The following MACROH2A2 variants were observed in gnomAD, a reference collection of about 807,000 sequenced individuals.
The protein encoded by MACROH2A2 is macroH2A.2 histone.
A neutral mutation model predicts 37.6 loss-of-function variants in MACROH2A2; 6 were observed. That is an observed-to-expected ratio of 0.16 (90% CI 0.09 to 0.32). The LOEUF (loss-of-function observed/expected upper bound fraction) is 0.32. Among genes scored for constraint, MACROH2A2 ranks in the 10% least tolerant of loss-of-function variants. The pLI is 1.00. For missense variants in MACROH2A2, 290 were observed against 485.9 expected (o/e 0.60, Z 3.79); for synonymous variants, 192 against 202.7 (o/e 0.95, Z 0.45).
rs1222993853 is a variant in MACROH2A2, at chr10:70,053,963, G to A, written c.-60+963G>A. Among the ~76,000 whole-genome samples, 6 of 152,186 alleles carry A rather than the reference G, an allele frequency of 3.9e-5. No individual in the cohort carries two copies. The highest frequency in any genetic ancestry group is 1.2e-4 in the African/African-American group (5 of 41,470). On this transcript the variant is annotated intron_variant, in intron 1 of 8. Coordinates refer to ENST00000373255, the MANE Select transcript of MACROH2A2 (RefSeq NM_018649.3). The surrounding 1 kb of genome is among the most constrained non-coding windows in gnomAD (Gnocchi z 4.8). ...GTTGGGGACCAGCCCTGCCTCCCCC[G>A]GCTCCCAGCCTCCAGCCCCGGCGCA...
intron 8 of MACROH2A2, 103 bp downstream of exon 8, chr10:70,109,310 C>T: frequency 3.1e-6 from 3 of 961,826 alleles, no homozygotes; most frequent in Non-Finnish European, 4.9e-6. Context: ...GCTGCCAGCA[C>T]AGCCAAGTAT....
intron 7 of MACROH2A2, among the ~76,000 whole-genome samples, chr10:70,106,406 G>A (rs544248510): frequency 1.3e-5 from 2 of 152,296 alleles, no homozygotes; most frequent in South Asian, 2.1e-4. Context: ...CAGTTGCCAT[G>A]AACATACTTT....
At chr10:70,100,936 G>A (rs558818312) in intron 7 of MACROH2A2, among the ~76,000 whole-genome samples, 109 of 152,224 alleles carry the variant, frequency 7.2e-4, no homozygotes, top group African/African-American at 3.4e-4. Context: ...ATTTTAAAGC[G>A]TATAATTCAG....
chr10:70,084,570 A>T (rs1222068416), intron 2 of MACROH2A2, among the ~76,000 whole-genome samples: 1 of 152,162 alleles, frequency 6.6e-6, no homozygotes, highest in African/African-American at 2.4e-5. Context: ...TCCGTCTCTA[A>T]ATATAAAAAA....
chr10:70,065,854 C>CT (rs1306817808), intron 1 of MACROH2A2, among the ~76,000 whole-genome samples: 2 of 152,128 alleles, frequency 1.3e-5, no homozygotes, highest in Non-Finnish European at 2.9e-5. Context: ...TTATAAAAGT[C>CT]TAAGTTTTCA....
chr10:70,091,008 G>C (rs2072241673), intron 3 of MACROH2A2, among the ~76,000 whole-genome samples: 1 of 152,218 alleles, frequency 6.6e-6, no homozygotes, highest in African/African-American at 2.4e-5. Context: ...TATATTGATT[G>C]GGAGGAGCAT....
Position 70,110,415 on chromosome 10 carries a change from C to G in MACROH2A2, c.954-1103C>G, listed in dbSNP as rs1013645902. On this transcript the variant is annotated intron_variant, in intron 8 of 8. Transcript: ENST00000373255. ...TATTAAGTGCATAAAAAAGGACTTA[C>G]GAAGACAGGTTTGGAGCATACATTT... is the stretch of plus-strand genomic sequence containing the variant. 3.3e-5 allele frequency among the ~76,000 whole-genome samples: 5 copies of G among 152,192 alleles called. No individual in the cohort carries two copies. The South Asian group carries it at 1.0e-3, about 31-fold the overall frequency.
intron 1 of MACROH2A2, among the ~76,000 whole-genome samples, chr10:70,074,890 C>A (rs1380333959): frequency 6.6e-6 from 1 of 152,170 alleles, no homozygotes; most frequent in African/African-American, 2.4e-5. Flanking sequence ...AATACACTAA[C>A]CATTATAATG....
chr10:70,056,644 C>T (rs78683876), intron 1 of MACROH2A2, among the ~76,000 whole-genome samples: 132 of 152,152 alleles, frequency 8.7e-4, no homozygotes, highest in African/African-American at 2.9e-3. Flanking sequence ...TCATAGAGAA[C>T]GTGGCAGGAT....
intron 6 of MACROH2A2, among the ~76,000 whole-genome samples, chr10:70,097,339 T>C (rs1320182693): frequency 6.6e-6 from 1 of 152,132 alleles, no homozygotes; most frequent in African/African-American, 2.4e-5. Context: ...ACCTGTCCCA[T>C]AGGGGTGCTG....
chr10:70,106,888 A>C (rs1306561101), intron 7 of MACROH2A2, among the ~76,000 whole-genome samples: 4 of 152,146 alleles, frequency 2.6e-5, no homozygotes, highest in Non-Finnish European at 5.9e-5. Flanking sequence ...ATATGAAATA[A>C]ATCAGCCATG....
chr10:70,095,531 G>A lies in MACROH2A2; in HGVS notation c.589-123G>A, dbSNP rs1271865249. Reference sequence around the variant, plus strand: ...GAAACTGGAGGTTGTCACTCTCTATGCAGCCCCTATGTTGACATTGGGTAT... The same window carrying A: ...GAAACTGGAGGTTGTCACTCTCTATACAGCCCCTATGTTGACATTGGGTAT... On this transcript the variant is annotated intron_variant, in intron 5 of 8. Transcript: ENST00000373255. 6.5e-6 allele frequency: 4 copies of A among 611,766 alleles called. 1 individual carries two copies. Among genetic ancestry groups the A allele is most frequent in the South Asian group, 4.0e-5 (2 of 49,974 alleles). The allele number at this position is 611,766 out of a possible 1,614,324, so 37.9% of individuals were successfully genotyped here.
intron 1 of MACROH2A2, among the ~76,000 whole-genome samples, chr10:70,071,230 G>T (rs897005100): frequency 2.0e-5 from 3 of 152,140 alleles, no homozygotes; most frequent in Non-Finnish European, 4.4e-5. Flanking sequence ...ACCCTGTGAT[G>T]GGCTTTTCAG....
chr10:70,097,445 T>A (rs1226168391), intron 6 of MACROH2A2, among the ~76,000 whole-genome samples: 1 of 152,086 alleles, frequency 6.6e-6, no homozygotes, highest in East Asian at 1.9e-4. Context: ...CCATTACGAT[T>A]CCATTTTCCA....
rs2072090204 is a variant in MACROH2A2 at position 70,068,288 on chromosome 10, C to T, written c.-59-7312C>T. 2.0e-5 allele frequency among the ~76,000 whole-genome samples: 3 copies of T among 152,140 alleles called. No homozygotes were observed. The South Asian group carries it at 6.2e-4, about 32-fold the overall frequency. On this transcript the variant is annotated intron_variant, in intron 1 of 8. Coordinates refer to ENST00000373255, the MANE Select transcript of MACROH2A2 (RefSeq NM_018649.3). ...GAAATTCCCTCACTTTCTCAGAGTTCTTAATGTCTCCAGCATGTTCTTGAT... is the reference window on the plus strand; with the variant it reads ...GAAATTCCCTCACTTTCTCAGAGTTTTTAATGTCTCCAGCATGTTCTTGAT...
chr10:70,066,631 G>A (rs1165417015), intron 1 of MACROH2A2, among the ~76,000 whole-genome samples: 1 of 152,118 alleles, frequency 6.6e-6, no homozygotes, highest in East Asian at 1.9e-4. Context: ...TTGAGGACAT[G>A]GTAAAGGAAC....
intron 7 of MACROH2A2, 94 bp from the exon 8 acceptor site, chr10:70,108,939 T>A: frequency 8.8e-7 from 1 of 1,131,140 alleles, no homozygotes; most frequent in South Asian, 1.4e-5. Flanking sequence ...TATCACTGCC[T>A]TATCTCCAGA....
chr10:70,091,990 C>T, intron 4 of MACROH2A2, 36 bp downstream of exon 4: 1 of 1,512,392 alleles, frequency 6.6e-7, no homozygotes, highest in Non-Finnish European at 9.2e-7. Flanking sequence ...CCAGGCACTC[C>T]CACTGCAATG....
chr10:70,054,126 A>G (rs2071997435), intron 1 of MACROH2A2, among the ~76,000 whole-genome samples: 1 of 152,244 alleles, frequency 6.6e-6, no homozygotes, highest in Non-Finnish European at 1.5e-5. Context: ...CCCAAGGGCC[A>G]AACGAGCTTC....
Sources: gnomAD v4.1 joint callset for allele counts (sites outside exome capture counted in the v4.1 genomes callset) on GRCh38, gnomAD v4.1.1 for gene constraint, Gnocchi (gnomAD v3.1) non-coding constraint, MANE v1.5 for transcripts, NCBI Gene and HGNC (gene_info 2026-07-23, HGNC 2026-07-21) for gene names.